FHIT: variants seen among roughly 807,000 people sequenced by gnomAD.
FHIT encodes the protein fragile histidine triad diadenosine triphosphatase.
A neutral mutation model predicts 17.9 loss-of-function variants in FHIT; 19 were observed. That is an observed-to-expected ratio of 1.06 (90% CI 0.74 to 1.56). The LOEUF (loss-of-function observed/expected upper bound fraction) is 1.56. Among genes scored for constraint, FHIT ranks in the 40% most tolerant of loss-of-function variants. FHIT has a pLI of 0.00. For missense variants in FHIT, 248 were observed against 189.2 expected (o/e 1.31, Z -1.82); for synonymous variants, 81 against 69.7 (o/e 1.16, Z -0.81).
chr3:61,163,606 G>C (rs2037756903), intron 2 of FHIT, among the ~76,000 whole-genome samples: 2 of 152,120 alleles, frequency 1.3e-5, no homozygotes, highest in Non-Finnish European at 2.9e-5. Context: ...CCTTATTCAA[G>C]AGGCACCCTT....
chr3:60,969,095 C>T (rs751232060), intron 3 of FHIT, among the ~76,000 whole-genome samples: 9 of 151,914 alleles, frequency 5.9e-5, no homozygotes, highest in Non-Finnish European at 1.3e-4. Context: ...TGTGAGTTTA[C>T]ATATAACTGA....
intron 5 of FHIT, among the ~76,000 whole-genome samples, chr3:60,406,013 C>T (rs141720084): frequency 6.6e-6 from 1 of 152,120 alleles, no homozygotes; most frequent in Non-Finnish European, 1.5e-5. Context: ...TAGCCTGGCA[C>T]ATAACTGCTC....
Position 60,849,087 on chromosome 3 carries a change from C to T in FHIT, c.-110-27076G>A, listed in dbSNP as rs555860863. On this transcript the variant is annotated intron_variant, in intron 3 of 9. Transcript: ENST00000492590. ...GACTGAATATTTTTATCAATAGTTG[C>T]AAAACCATTTCCTGAAAGGGAAAAC... Among the ~76,000 whole-genome samples the T allele has an allele frequency of 1.4e-4, 21 of 152,072 alleles. No homozygotes were observed. In the East Asian group the frequency reaches 3.9e-3, roughly 28 times the overall value.
At chr3:60,518,792 T>G (rs561904463) in intron 5 of FHIT, among the ~76,000 whole-genome samples, 132 of 152,280 alleles carry the variant, frequency 8.7e-4, no homozygotes, top group Middle Eastern at 3.4e-3. Context: ...GCAGATTGCT[T>G]GAGGCCAGGA....
chr3:59,784,180 C>G (rs931924019), intron 8 of FHIT, among the ~76,000 whole-genome samples: 2 of 152,188 alleles, frequency 1.3e-5, no homozygotes, highest in African/African-American at 4.8e-5. Context: ...TATCCCTCAT[C>G]CAGTCAATCA....
chr3:60,945,284 A>G (rs1326696255), intron 3 of FHIT, among the ~76,000 whole-genome samples: 1 of 152,196 alleles, frequency 6.6e-6, no homozygotes, highest in African/African-American at 2.4e-5. Context: ...TGCAGGGAGA[A>G]AGGAGAGTGG....
chr3:60,494,258 A>G (rs990299390), intron 5 of FHIT, among the ~76,000 whole-genome samples: 1 of 152,152 alleles, frequency 6.6e-6, no homozygotes, highest in Admixed American at 6.5e-5. Flanking sequence ...TGCTACCTCT[A>G]TGACTTTGCC....
At chr3:60,378,972 C>A (rs1700692267) in intron 5 of FHIT, among the ~76,000 whole-genome samples, 1 of 152,214 alleles carries the variant, frequency 6.6e-6, no homozygotes, top group South Asian at 2.1e-4. Flanking sequence ...TGGTACACAT[C>A]CCCAGTCCTT....
chr3:60,514,963 G>T (rs531548601), intron 5 of FHIT, among the ~76,000 whole-genome samples: 1 of 151,710 alleles, frequency 6.6e-6, no homozygotes, highest in East Asian at 1.9e-4. Flanking sequence ...TGTCACAAGA[G>T]CATGTGAGCA....
intron 5 of FHIT, among the ~76,000 whole-genome samples, chr3:60,180,704 G>A (rs550912249): frequency 5.3e-4 from 80 of 152,168 alleles, no homozygotes; most frequent in African/African-American, 1.4e-3. Flanking sequence ...ATAATTTGAC[G>A]TTGATGCTTT....
At chr3:61,200,364 TAGC>T (rs1413543506) in intron 2 of FHIT, among the ~76,000 whole-genome samples, 1 of 152,234 alleles carries the variant, frequency 6.6e-6, no homozygotes, top group Non-Finnish European at 1.5e-5. Flanking sequence ...TGGAATGTCT[TAGC>T]TGCTGAGAAG....
intron 5 of FHIT, among the ~76,000 whole-genome samples, chr3:60,179,892 G>T (rs531687716): frequency 6.6e-6 from 1 of 152,108 alleles, no homozygotes. Context: ...CCCCAGTATT[G>T]CTCTCTCCTC....
intron 5 of FHIT, among the ~76,000 whole-genome samples, chr3:60,368,076 T>C (rs141622779): frequency 1.3e-5 from 2 of 152,134 alleles, no homozygotes; most frequent in East Asian, 3.9e-4. Flanking sequence ...CAGTTTAGAA[T>C]CTTTACAAGT....
At chr3:60,307,698 G>C (rs150650695) in intron 5 of FHIT, among the ~76,000 whole-genome samples, 60 of 152,234 alleles carry the variant, frequency 3.9e-4, no homozygotes, top group African/African-American at 1.4e-3. Context: ...CAAATACTAA[G>C]AGACCAGTCT....
chr3:60,377,034 T>C (rs923969181), intron 5 of FHIT, among the ~76,000 whole-genome samples: 1 of 152,146 alleles, frequency 6.6e-6, no homozygotes, highest in South Asian at 2.1e-4. Flanking sequence ...TAAAATAATA[T>C]CTTTCATCAT....
chr3:59,901,760 C>G (rs1247006909), intron 8 of FHIT, among the ~76,000 whole-genome samples: 1 of 152,056 alleles, frequency 6.6e-6, no homozygotes, highest in Non-Finnish European at 1.5e-5. Context: ...ACCTTATGAC[C>G]CAGAAATTCT....
chr3:60,133,184 C>T (rs551240335), intron 5 of FHIT, among the ~76,000 whole-genome samples: 5 of 152,186 alleles, frequency 3.3e-5, no homozygotes, highest in African/African-American at 1.2e-4. Context: ...TGGGCTGGTG[C>T]TGATGAAGGA....
chr3:60,839,280 A>G (rs1702638501), intron 3 of FHIT, among the ~76,000 whole-genome samples: 1 of 152,156 alleles, frequency 6.6e-6, no homozygotes, highest in Non-Finnish European at 1.5e-5. Context: ...ATCAAAATTT[A>G]GTTTATGGAC....
chr3:60,647,718 ATG>A (rs1470142714), intron 4 of FHIT, among the ~76,000 whole-genome samples: 2 of 152,208 alleles, frequency 1.3e-5, no homozygotes, highest in African/African-American at 4.8e-5. Context: ...TTCTAGCAGT[ATG>A]TGTTATTTGT....
Sources: gnomAD v4.1 joint callset for allele counts (sites outside exome capture counted in the v4.1 genomes callset) on GRCh38, gnomAD v4.1.1 for gene constraint, MANE v1.5 for transcripts, NCBI Gene and HGNC (gene_info 2026-07-23, HGNC 2026-07-21) for gene names.